Variants in PPP2R2B observed in about 807,000 individuals in gnomAD.
The protein encoded by PPP2R2B is serine/threonine-protein phosphatase 2A 55 kDa regulatory subunit B beta isoform.
Under a neutral mutation model 46.0 loss-of-function variants are expected in PPP2R2B, and 5 were observed. The ratio of observed to expected loss-of-function variants is 0.11; its 90% CI spans 0.06 to 0.23. PPP2R2B has a LOEUF of 0.23. Ranked by LOEUF, PPP2R2B falls within the 10% of genes least tolerant of loss-of-function variation. The pLI is 1.00. For synonymous variants in PPP2R2B, 215 were observed against 206.7 expected (o/e 1.04, Z -0.34); for missense variants, 367 against 575.0 (o/e 0.64, Z 3.70).
intron 2 of PPP2R2B, among the ~76,000 whole-genome samples, chr5:147,077,415 G>A (rs10037246): frequency 0.027 from 4,032 of 151,434 alleles, 143 homozygotes; most frequent in African/African-American, 0.082. Flanking sequence ...AACTTGCCAA[G>A]GTAACTGGCT....
At chr5:146,822,564 G>A (rs78622389) in intron 2 of PPP2R2B, among the ~76,000 whole-genome samples, 1,624 of 119,076 alleles carry the variant, frequency 0.014, 37 homozygotes, top group African/African-American at 0.05. Flanking sequence ...TTTTTAGGTT[G>A]TCCTGTCAAG....
intron 1 of PPP2R2B, among the ~76,000 whole-genome samples, chr5:146,899,773 T>C (rs544130928): frequency 6.6e-6 from 1 of 152,248 alleles, no homozygotes; most frequent in Admixed American, 6.5e-5. Context: ...ATTAAAGAAA[T>C]ACTTGAAGAG....
At chr5:146,700,037 C>T (rs1779440138) in intron 3 of PPP2R2B, among the ~76,000 whole-genome samples, 1 of 152,096 alleles carries the variant, frequency 6.6e-6, no homozygotes, top group Admixed American at 6.6e-5. Flanking sequence ...GATTACGATG[C>T]CCTTATAGAA....
At chr5:146,900,340 A>C (rs586840) in intron 1 of PPP2R2B, among the ~76,000 whole-genome samples, 73,579 of 151,948 alleles carry the variant, frequency 0.48, 19,649 homozygotes, top group East Asian at 0.7. Flanking sequence ...GCTCATAGGG[A>C]AAAGAAGATA....
intron 2 of PPP2R2B, among the ~76,000 whole-genome samples, chr5:146,850,553 G>A (rs1433030382): frequency 6.6e-6 from 1 of 152,074 alleles, no homozygotes; most frequent in African/African-American, 2.4e-5. Context: ...CTACCATAAA[G>A]CCCTTGTACA....
chr5:146,692,684 C>A (rs1024365491), intron 4 of PPP2R2B, among the ~76,000 whole-genome samples: 1 of 152,002 alleles, frequency 6.6e-6, no homozygotes, highest in Non-Finnish European at 1.5e-5. Context: ...CAGGCACCCA[C>A]CACCACGCCC....
chr5:146,746,050 C>T (rs1753173392), intron 2 of PPP2R2B, among the ~76,000 whole-genome samples: 2 of 152,086 alleles, frequency 1.3e-5, no homozygotes, highest in Admixed American at 1.3e-4. Context: ...GATGCACACA[C>T]AGTTAGTTCT....
intron 2 of PPP2R2B, among the ~76,000 whole-genome samples, chr5:146,826,853 A>G (rs1443030617): frequency 2.6e-5 from 4 of 152,044 alleles, no homozygotes; most frequent in African/African-American, 9.7e-5. Context: ...CCTACACCAT[A>G]CATCTGTCAA....
intron 1 of PPP2R2B, among the ~76,000 whole-genome samples, chr5:146,972,947 T>C (rs1223182514): frequency 6.6e-6 from 1 of 152,204 alleles, no homozygotes; most frequent in Admixed American, 6.5e-5. Context: ...TTCTTATTTT[T>C]TCTGTTGTGT....
intron 7 of PPP2R2B, among the ~76,000 whole-genome samples, chr5:146,626,074 A>C (rs1374090527): frequency 6.6e-6 from 1 of 152,238 alleles, no homozygotes; most frequent in Non-Finnish European, 1.5e-5. Context: ...AGACAGTGAG[A>C]CCAATGTCAG....
Position 146,700,911 on chromosome 5 carries a change from A to C in PPP2R2B, c.168+134T>G, listed in dbSNP as rs556266058. ...GTCTGAATGTATAACAGTTGATGTTAATGACTTTTTTGGCAGTTTTTAGTT... is the reference window on the plus strand; with the variant it reads ...GTCTGAATGTATAACAGTTGATGTTCATGACTTTTTTGGCAGTTTTTAGTT... On this transcript the variant is annotated intron_variant, in intron 3 of 9. Transcript: ENST00000394411. 216 of 764,140 alleles carry C rather than the reference A, an allele frequency of 2.8e-4. No homozygotes were observed. In the African/African-American group the frequency reaches 3.3e-3, roughly 12 times the overall value. 47.3% of individuals were successfully genotyped at this position (764,140 alleles called of 1,614,324 possible). A position where few individuals can be genotyped will look rare whatever the true frequency, so the allele number is the denominator to read the frequency against.
At chr5:146,704,855 T>A (rs12659673) in intron 2 of PPP2R2B, among the ~76,000 whole-genome samples, 15,193 of 152,268 alleles carry the variant, frequency 0.1, 983 homozygotes, top group East Asian at 0.34. Flanking sequence ...AGGCTAATGA[T>A]TGTGAGGCTT....
chr5:146,591,133 G>A (rs188842817), intron 9 of PPP2R2B, among the ~76,000 whole-genome samples: 8 of 152,098 alleles, frequency 5.3e-5, no homozygotes, highest in African/African-American at 9.6e-5. Context: ...GCCATCACAC[G>A]GTGGTTCCCC....
At chr5:146,819,662 C>T (rs1758140827) in intron 2 of PPP2R2B, among the ~76,000 whole-genome samples, 1 of 151,986 alleles carries the variant, frequency 6.6e-6, no homozygotes, top group Non-Finnish European at 1.5e-5. Context: ...AATGAATTTG[C>T]TTTTTTTAAA....
chr5:146,630,725 C>G (rs1457509712), intron 7 of PPP2R2B, among the ~76,000 whole-genome samples: 1 of 152,168 alleles, frequency 6.6e-6, no homozygotes, highest in Non-Finnish European at 1.5e-5. Context: ...ATGATTGCTT[C>G]TGCTCTTCCT....
At chr5:146,780,386 A>G (rs2151281513) in intron 2 of PPP2R2B, among the ~76,000 whole-genome samples, 1 of 152,334 alleles carries the variant, frequency 6.6e-6, no homozygotes, top group Non-Finnish European at 1.5e-5. Context: ...CCTAAAATTG[A>G]GAACCAATGT....
Position 146,706,872 on chromosome 5 carries a change from C to A in PPP2R2B, c.71-5730G>T, listed in dbSNP as rs1006609460. 1.4e-5 allele frequency: 17 copies of A among 1,248,316 alleles called. No homozygotes were observed. The African/African-American group carries it at 2.2e-4, about 16-fold the overall frequency. 77.3% of individuals were successfully genotyped at this position (1,248,316 alleles called of 1,614,324 possible). A position where few individuals can be genotyped will look rare whatever the true frequency, so the allele number is the denominator to read the frequency against. On this transcript the variant is annotated intron_variant, in intron 2 of 9. Coordinates refer to ENST00000394411, the MANE Select transcript of PPP2R2B (RefSeq NM_181675.4). ...TCCGTGTCCAGGGAGCGGCTGTTGT[C>A]AATGGACAGCACCACAGACGTGTCC... is the stretch of plus-strand genomic sequence containing the variant.
rs1465599911 is a variant in PPP2R2B at position 146,586,051 on chromosome 5, TG to T, written c.*3895del. The T allele has an allele frequency of 6.6e-6, 1 of 152,210 alleles. No individual in the cohort carries two copies. Among genetic ancestry groups the T allele is most frequent in the African/African-American group, 2.4e-5 (1 of 41,412 alleles). 9.4% of individuals were successfully genotyped at this position (152,210 alleles called of 1,614,324 possible). ...CAGGGGGAAGAGGTGGATGAAGGCA[TG>T]TTGGATGCACAGTGAATCAGGTTGC... On this transcript the variant is annotated 3_prime_UTR_variant, in exon 10 of 10. Coordinates refer to ENST00000394411, the MANE Select transcript of PPP2R2B (RefSeq NM_181675.4).
At chr5:146,788,621 C>T (rs1409105173) in intron 2 of PPP2R2B, among the ~76,000 whole-genome samples, 1 of 152,102 alleles carries the variant, frequency 6.6e-6, no homozygotes, top group Non-Finnish European at 1.5e-5. Context: ...ATCCCAGCTA[C>T]TTGGGAGGCT....
Sources: allele counts gnomAD v4.1 joint callset (sites outside exome capture counted in the v4.1 genomes callset), GRCh38; gene constraint gnomAD v4.1.1; transcripts MANE v1.5; gene names NCBI Gene and HGNC (gene_info 2026-07-23, HGNC 2026-07-21).